The following ATP9B variants were observed in gnomAD, a reference collection of about 807,000 sequenced individuals.
ATP9B encodes probable phospholipid-transporting ATPase IIB.
A neutral mutation model predicts 146.1 loss-of-function variants in ATP9B; 110 were observed. The observed-to-expected ratio is 0.75, with a 90% CI of 0.65 to 0.88. ATP9B has a LOEUF of 0.88. ATP9B is among the 40% of genes least tolerant of loss of function. The probability of loss-of-function intolerance (pLI) is 0.00; values close to 1 mark genes in which losing one functional copy is unlikely to be tolerated. For synonymous variants in ATP9B, 604 were observed against 569.7 expected, an observed-to-expected ratio of 1.06 and a Z score of -0.86; for missense variants, 1,499 against 1,496.4, an observed-to-expected ratio of 1.00 and a Z score of -0.03.
intron 25 of ATP9B, among the ~76,000 whole-genome samples, chr18:79,352,004 C>T (rs1256408361): frequency 6.6e-6 from 1 of 152,104 alleles, no homozygotes; most frequent in Non-Finnish European, 1.5e-5. Context: ...TAGGGTGCAG[C>T]ATTGTGCACT....
At chr18:79,295,076 ATC>A in intron 13 of ATP9B, among the ~76,000 whole-genome samples, 1 of 147,410 alleles carries the variant, frequency 6.8e-6, no homozygotes, top group Non-Finnish European at 1.5e-5. Context: ...GTGTGCGTGC[ATC>A]CATGAATGCA....
At chr18:79,212,710 A>T (rs1359090521) in intron 10 of ATP9B, among the ~76,000 whole-genome samples, 2 of 152,150 alleles carry the variant, frequency 1.3e-5, no homozygotes, top group East Asian at 3.8e-4. Context: ...TTATATATTT[A>T]ATATTTCTCT....
At chr18:79,085,785 T>G (rs1225358578) in intron 1 of ATP9B, 1 of 152,184 alleles carries the variant, frequency 6.6e-6, no homozygotes, top group Non-Finnish European at 1.5e-5. Flanking sequence ...AATCTTACAA[T>G]AGTTAAGTGT....
At chr18:79,139,141 A>G (rs1263453264) in intron 5 of ATP9B, among the ~76,000 whole-genome samples, 1 of 152,204 alleles carries the variant, frequency 6.6e-6, no homozygotes, top group Non-Finnish European at 1.5e-5. Context: ...CTTAGTTGCT[A>G]GTATTTGTGT....
intron 9 of ATP9B, among the ~76,000 whole-genome samples, chr18:79,199,565 C>T (rs2095447061): frequency 6.6e-6 from 1 of 151,470 alleles, no homozygotes; most frequent in African/African-American, 2.4e-5. Context: ...ATTGAGGAGA[C>T]CATCCTGGCC....
chr18:79,076,514 T>G (rs899074252), intron 1 of ATP9B, among the ~76,000 whole-genome samples: 1 of 152,236 alleles, frequency 6.6e-6, no homozygotes, highest in African/African-American at 2.4e-5. Context: ...ATGAGAAATC[T>G]GATATCATTT....
Position 79,151,761 on chromosome 18 carries a change from T to C in ATP9B, c.727-2743T>C, listed in dbSNP as rs143902887. Among the ~76,000 whole-genome samples, 215 of 151,818 alleles carry C rather than the reference T, an allele frequency of 1.4e-3. 3 individuals carry two copies. The highest frequency in any genetic ancestry group is 4.9e-3 in the African/African-American group (202 of 41,420). The stretch of plus-strand genomic sequence containing the variant: ...TTTTTTTATGAAGTTCTGGGATACA[T>C]GTGCAGAACGTGCAAGTTTGTTACA... On this transcript the variant is annotated intron_variant, in intron 6 of 29. Coordinates refer to ENST00000426216, the MANE Select transcript of ATP9B (RefSeq NM_198531.5).
chr18:79,241,612 T>C (rs2095889777), intron 11 of ATP9B, among the ~76,000 whole-genome samples: 1 of 152,226 alleles, frequency 6.6e-6, no homozygotes, highest in Non-Finnish European at 1.5e-5. Context: ...CACAAGACAA[T>C]TCACTAATTA....
chr18:79,130,199 G>A (rs4324200), intron 5 of ATP9B, among the ~76,000 whole-genome samples: 38,758 of 152,078 alleles, frequency 0.25, 5,288 homozygotes, highest in East Asian at 0.5. Flanking sequence ...GTGCCAGGGC[G>A]CTCAAGGAAA....
Position 79,069,460 on chromosome 18 carries a change from C to T in ATP9B, c.50C>T (p.Ala17Val). The change falls in exon 1 of 30, where the codon GCA becomes GTA. Residue 17 changes from alanine (A) to valine (V), a missense_variant. Coordinates refer to ENST00000426216, the MANE Select transcript of ATP9B (RefSeq NM_198531.5). ...CCGGTGCGTAGCGCAGCGGCGGCCGCAGCCAACCGCAAACGCGCGGCCTAC... is the reference window on the plus strand; with the variant it reads ...CCGGTGCGTAGCGCAGCGGCGGCCGTAGCCAACCGCAAACGCGCGGCCTAC... ...LYPVRSAAAAAANRKRAAYYS... is the reference protein window; with the variant it reads ...LYPVRSAAAAVANRKRAAYYS... The T allele has an allele frequency of 6.6e-7, 1 of 1,509,272 alleles. No individual in the cohort carries two copies. The highest frequency in any genetic ancestry group is 2.8e-5 in the East Asian group (1 of 35,088). 93.5% of individuals were successfully genotyped at this position (1,509,272 alleles called of 1,614,324 possible). A position where few individuals can be genotyped will look rare whatever the true frequency, so the allele number is the denominator to read the frequency against.
intron 17 of ATP9B, among the ~76,000 whole-genome samples, chr18:79,335,984 C>G (rs1600136767): frequency 6.6e-6 from 1 of 151,880 alleles, no homozygotes; most frequent in East Asian, 1.9e-4. Context: ...ACACCAGGAG[C>G]CCTCCCTGGC....
intron 8 of ATP9B, among the ~76,000 whole-genome samples, chr18:79,192,479 T>C (rs2095376873): frequency 6.6e-6 from 1 of 152,164 alleles, no homozygotes; most frequent in African/African-American, 2.4e-5. Context: ...GAAGAGGCAC[T>C]GGGGTGGCGT....
At chr18:79,198,077 CTT>C (rs1233533648) in intron 9 of ATP9B, among the ~76,000 whole-genome samples, 2 of 151,990 alleles carry the variant, frequency 1.3e-5, no homozygotes, top group African/African-American at 2.4e-5. Flanking sequence ...TAAAACAAGT[CTT>C]AGTATATTTT....
In ATP9B at chr18:79,313,648, A is replaced by G. The variant is rs1568654175; in HGVS notation, c.1773+6414A>G. On this transcript the variant is annotated intron_variant, in intron 15 of 29. Coordinates refer to ENST00000426216, the MANE Select transcript of ATP9B (RefSeq NM_198531.5). ...GGATTTTTTATTTTTAAGTTTTAATATAAGTCATAACACTTTTTGAATCTT... is the reference window on the plus strand; with the variant it reads ...GGATTTTTTATTTTTAAGTTTTAATGTAAGTCATAACACTTTTTGAATCTT... Among the ~76,000 whole-genome samples the G allele has an allele frequency of 2.0e-5, 3 of 152,336 alleles. No homozygotes were observed. The South Asian group carries it at 6.2e-4, about 32-fold the overall frequency.
intron 9 of ATP9B, among the ~76,000 whole-genome samples, chr18:79,203,667 G>A (rs1285784803): frequency 6.6e-6 from 1 of 152,146 alleles, no homozygotes; most frequent in Non-Finnish European, 1.5e-5. Context: ...TGAATTTATG[G>A]TAGATAAAAA....
chr18:79,331,889 A>G (rs2096791959), intron 17 of ATP9B, among the ~76,000 whole-genome samples: 1 of 152,164 alleles, frequency 6.6e-6, no homozygotes, highest in South Asian at 2.1e-4. Context: ...TGGGCCCTGG[A>G]CATTGTATTG....
intron 11 of ATP9B, among the ~76,000 whole-genome samples, chr18:79,236,980 A>G (rs71366512): frequency 1.4e-5 from 1 of 74,042 alleles, no homozygotes; most frequent in Non-Finnish European, 2.5e-5. Flanking sequence ...CCGTGCATGA[A>G]TCAGTGTCCA....
intron 26 of ATP9B, chr18:79,372,511 CT>C (rs2097077685): frequency 3.8e-6 from 2 of 521,368 alleles, no homozygotes; most frequent in South Asian, 1.6e-5. Context: ...GCCTTTCCCC[CT>C]GGTTCACTGA....
At chr18:79,323,172 G>A (rs894094866) in intron 15 of ATP9B, among the ~76,000 whole-genome samples, 6 of 148,196 alleles carry the variant, frequency 4.0e-5, no homozygotes, top group Non-Finnish European at 7.5e-5. Context: ...GTAATCCTCC[G>A]TTTATCGTTG....
Sources: gnomAD v4.1 joint callset for allele counts (sites outside exome capture counted in the v4.1 genomes callset) on GRCh38, gnomAD v4.1.1 for gene constraint, MANE v1.5 for transcripts, NCBI Gene and HGNC (gene_info 2026-07-23, HGNC 2026-07-21) for gene names.